Variants in XRRA1 observed in about 807,000 individuals in gnomAD.
XRRA1 encodes X-ray radiation resistance associated 1, also known as X-ray radiation resistance-associated protein 1.
XRRA1 carries 69 observed loss-of-function variants against 80.2 expected under a neutral mutation model. That is an observed-to-expected ratio of 0.86 (90% CI 0.71 to 1.05). XRRA1 has a LOEUF of 1.05. XRRA1 is among the 50% of genes least tolerant of loss of function. The probability of loss-of-function intolerance (pLI) is 0.00; values close to 1 mark genes in which losing one functional copy is unlikely to be tolerated. For synonymous variants in XRRA1, 348 were observed against 389.9 expected (o/e 0.89, Z 1.27); for missense variants, 967 against 976.4 (o/e 0.99, Z 0.13).
Position 74,907,126 on chromosome 11 carries a change from GA to G in XRRA1, c.785+18del. The G allele has an allele frequency of 1.2e-6, 2 of 1,612,968 alleles. No homozygotes were observed. Among genetic ancestry groups the G allele is most frequent in the Non-Finnish European group, 1.7e-6 (2 of 1,179,768 alleles). On this transcript the variant is annotated intron_variant, in intron 9 of 18. Transcript: ENST00000684022. ...TGGGGATTAGAGGAGGCCCAGCAGAGAAAGGCTTATGGCTTTACCTCCTGAG... is the reference window on the plus strand; with the variant it reads ...TGGGGATTAGAGGAGGCCCAGCAGAGAAGGCTTATGGCTTTACCTCCTGAG...
rs149028990 is a variant in XRRA1, at chr11:74,933,750, G to A, written c.351+51C>T. ...GAGACAAACCACAACAGCCAGGTGC[G>A]CCACCTCAAGTCTGGCTCACCCCAA... On this transcript the variant is annotated intron_variant, in intron 5 of 18. Coordinates refer to ENST00000684022, the MANE Select transcript of XRRA1 (RefSeq NM_001378157.1). 5.2e-6 allele frequency: 8 copies of A among 1,524,586 alleles called. No individual in the cohort carries two copies. The African/African-American group carries it at 5.5e-5, about 10-fold the overall frequency. The allele number at this position is 1,524,586 out of a possible 1,614,324, so 94.4% of individuals were successfully genotyped here.
At chr11:74,868,122 T>C (rs1270936551) in intron 10 of XRRA1, among the ~76,000 whole-genome samples, 1 of 152,084 alleles carries the variant, frequency 6.6e-6, no homozygotes, top group East Asian at 1.9e-4. Context: ...TTTCACCATA[T>C]TGGCCAGTCT....
At chr11:74,919,834 C>T (rs559616776) in intron 8 of XRRA1, 8 of 413,164 alleles carry the variant, frequency 1.9e-5, no homozygotes, top group African/African-American at 1.3e-4. Flanking sequence ...TGTCCCATGC[C>T]GAATCCATGT....
intron 10 of XRRA1, among the ~76,000 whole-genome samples, chr11:74,875,954 A>G (rs1303242170): frequency 2.0e-5 from 3 of 152,232 alleles, no homozygotes; most frequent in African/African-American, 7.2e-5. Flanking sequence ...GGACTGGCAG[A>G]TAGACTTCAC....
Position 74,843,064 on chromosome 11 carries a change from GGCCA to G in XRRA1, c.*132_*135del, listed in dbSNP as rs2036821275. 8.1e-7 allele frequency: 1 copy of G among 1,232,824 alleles called. No individual in the cohort carries two copies. Among genetic ancestry groups the G allele is most frequent in the African/African-American group, 1.5e-5 (1 of 65,870 alleles). The allele number at this position is 1,232,824 out of a possible 1,614,324, so 76.4% of individuals were successfully genotyped here. On this transcript the variant is annotated 3_prime_UTR_variant, in exon 19 of 19. Coordinates refer to ENST00000684022, the MANE Select transcript of XRRA1 (RefSeq NM_001378157.1). ...TCCTGACAAGGGGATGCCACCTTGT[GGCCA>G]GCAAGTGGGGCCCAGCTGAGCTCTG... is the stretch of plus-strand genomic sequence containing the variant.
intron 8 of XRRA1, 39 bp downstream of exon 8, chr11:74,921,175 C>T (rs751081682): frequency 6.2e-7 from 1 of 1,603,576 alleles, no homozygotes; most frequent in South Asian, 1.1e-5. Flanking sequence ...GATATTTGTA[C>T]ACAAAAACAC....
intron 8 of XRRA1, among the ~76,000 whole-genome samples, chr11:74,913,072 C>T (rs2056258224): frequency 6.6e-6 from 1 of 152,136 alleles, no homozygotes; most frequent in Non-Finnish European, 1.5e-5. Context: ...TCACAATGGA[C>T]CCAGTGAAGT....
chr11:74,869,862 C>T (rs565918975), intron 10 of XRRA1, among the ~76,000 whole-genome samples: 48 of 152,292 alleles, frequency 3.2e-4, no homozygotes, highest in Non-Finnish European at 6.2e-4. Flanking sequence ...CAGCAGAAAG[C>T]TATTCTCTTT....
chr11:74,885,896 A>G (rs890668957), intron 10 of XRRA1, among the ~76,000 whole-genome samples: 2 of 152,178 alleles, frequency 1.3e-5, no homozygotes, highest in Admixed American at 6.5e-5. Context: ...CTGGGATGCA[A>G]GGTTGGTTCA....
chr11:74,852,128 C>T, intron 12 of XRRA1, 46 bp from the exon 13 acceptor site: 6 of 1,519,830 alleles, frequency 3.9e-6, no homozygotes, highest in Non-Finnish European at 5.5e-6. Flanking sequence ...CCACCCCTCA[C>T]CTCTACCCAG....
At chr11:74,918,950 C>T (rs1258476067) in intron 8 of XRRA1, 1 of 152,304 alleles carries the variant, frequency 6.6e-6, no homozygotes, top group East Asian at 1.9e-4. Flanking sequence ...ATTACAGTGA[C>T]ACCCTCCCTG....
At chr11:74,927,691 G>C (rs1027822773) in intron 6 of XRRA1, among the ~76,000 whole-genome samples, 3 of 152,208 alleles carry the variant, frequency 2.0e-5, no homozygotes, top group Admixed American at 2.0e-4. Context: ...GCTCAGCCAA[G>C]CTAAGTGATT....
chr11:74,859,058 G>T, intron 12 of XRRA1, 100 bp downstream of exon 12: 1 of 1,408,176 alleles, frequency 7.1e-7, no homozygotes, highest in Non-Finnish European at 9.3e-7. Flanking sequence ...TACCTGTAAT[G>T]CAGGGAATTG....
At chr11:74,889,763 G>A (rs556262558) in intron 10 of XRRA1, among the ~76,000 whole-genome samples, 3 of 152,280 alleles carry the variant, frequency 2.0e-5, no homozygotes, top group Admixed American at 1.3e-4. Context: ...TCTAGTCTCT[G>A]ATAAAACAGA....
intron 2 of XRRA1, among the ~76,000 whole-genome samples, chr11:74,942,459 G>A (rs1048602363): frequency 6.6e-6 from 1 of 152,230 alleles, no homozygotes; most frequent in Non-Finnish European, 1.5e-5. Flanking sequence ...ATTGCGAGAT[G>A]GGTGAATATC....
At chr11:74,903,432 G>A (rs910786716) in intron 10 of XRRA1, among the ~76,000 whole-genome samples, 11 of 152,216 alleles carry the variant, frequency 7.2e-5, no homozygotes, top group Admixed American at 4.6e-4. Context: ...GGCTGGGCGC[G>A]GTGGCTCACG....
intron 10 of XRRA1, among the ~76,000 whole-genome samples, chr11:74,895,411 G>T (rs1035784834): frequency 1.3e-5 from 2 of 152,264 alleles, no homozygotes; most frequent in Non-Finnish European, 2.9e-5. Flanking sequence ...CATCTCAGCT[G>T]TTGGAACTGA....
At chr11:74,887,566 A>G (rs989387301) in intron 10 of XRRA1, among the ~76,000 whole-genome samples, 3 of 152,136 alleles carry the variant, frequency 2.0e-5, no homozygotes, top group African/African-American at 7.2e-5. Context: ...GGAGTGTCGG[A>G]AAGTGGGTGC....
chr11:74,846,314 C>A (rs1309641474), intron 15 of XRRA1: 2 of 151,992 alleles, frequency 1.3e-5, no homozygotes, highest in African/African-American at 4.8e-5. Context: ...AATTTTTAAA[C>A]TTCCCACAAA....
Sources: gnomAD v4.1 joint callset for allele counts (sites outside exome capture counted in the v4.1 genomes callset) on GRCh38, gnomAD v4.1.1 for gene constraint, MANE v1.5 for transcripts, NCBI Gene and HGNC (gene_info 2026-07-23, HGNC 2026-07-21) for gene names.